Variants in DLG2 observed in about 807,000 individuals in gnomAD.
DLG2 encodes the protein discs large MAGUK scaffold protein 2, also known as disks large homolog 2.
In DLG2, 45 loss-of-function variants were observed where a neutral mutation model predicts 132.5. The observed-to-expected ratio is 0.34, with a 90% CI of 0.27 to 0.44. The LOEUF (loss-of-function observed/expected upper bound fraction) is 0.44. Ranked by LOEUF, DLG2 falls within the 20% of genes least tolerant of loss-of-function variation. The pLI is 1.00. For missense variants in DLG2, 1,045 were observed against 1,196.9 expected, an observed-to-expected ratio of 0.87 and a Z score of 1.87; for synonymous variants, 424 against 419.6, an observed-to-expected ratio of 1.01 and a Z score of -0.13.
chr11:85,021,254 G>A lies in DLG2; in HGVS notation c.357+90407C>T, dbSNP rs774236578. 7.0e-6 allele frequency: 9 copies of A among 1,287,090 alleles called. No individual in the cohort carries two copies. The Admixed American group carries it at 1.5e-4, about 22-fold the overall frequency. The allele number at this position is 1,287,090 out of a possible 1,614,324, so 79.7% of individuals were successfully genotyped here. Reference sequence around the variant, plus strand: ...ACTACAGCCCGAGCAATAGGAGGAGGAGGAGGAGGTACACGTGCTGGGTGA... The same window carrying A: ...ACTACAGCCCGAGCAATAGGAGGAGAAGGAGGAGGTACACGTGCTGGGTGA... On this transcript the variant is annotated intron_variant, in intron 6 of 27. Transcript: ENST00000376104.
At chr11:83,508,133 C>A (rs1217946853) in intron 21 of DLG2, among the ~76,000 whole-genome samples, 1 of 152,056 alleles carries the variant, frequency 6.6e-6, no homozygotes, top group Non-Finnish European at 1.5e-5. Flanking sequence ...CAGACACATC[C>A]AGGATCAATA....
chr11:84,531,545 C>T (rs1217487324), intron 7 of DLG2, among the ~76,000 whole-genome samples: 3 of 152,106 alleles, frequency 2.0e-5, no homozygotes, highest in Non-Finnish European at 1.5e-5. Context: ...AACAACACCT[C>T]GAGAAGGTCA....
intron 7 of DLG2, among the ~76,000 whole-genome samples, chr11:84,502,341 T>C (rs1455689394): frequency 5.3e-5 from 2 of 37,612 alleles, no homozygotes; most frequent in Non-Finnish European, 9.4e-5. Flanking sequence ...TTTCTTTCTT[T>C]CTTTCTTTCT....
At chr11:84,628,651 C>T (rs1287792942) in intron 6 of DLG2, among the ~76,000 whole-genome samples, 1 of 152,184 alleles carries the variant, frequency 6.6e-6, no homozygotes, top group Admixed American at 6.5e-5. Context: ...CAGAAGCTTT[C>T]TTGAAACTTG....
At chr11:83,902,986 T>C (rs1182770952) in intron 15 of DLG2, among the ~76,000 whole-genome samples, 2 of 152,178 alleles carry the variant, frequency 1.3e-5, no homozygotes, top group African/African-American at 2.4e-5. Flanking sequence ...CATTGTTCTA[T>C]GATCATAGCA....
chr11:84,468,035 A>C (rs1055932385), intron 7 of DLG2, among the ~76,000 whole-genome samples: 1 of 151,544 alleles, frequency 6.6e-6, no homozygotes, highest in African/African-American at 2.4e-5. Flanking sequence ...GGAAAAATAC[A>C]AATTAAAAAC....
chr11:85,139,302 G>A (rs2076312876), intron 5 of DLG2, among the ~76,000 whole-genome samples: 1 of 152,058 alleles, frequency 6.6e-6, no homozygotes, highest in African/African-American at 2.4e-5. Flanking sequence ...ATTTTTGAAT[G>A]AGTGAATGAA....
intron 6 of DLG2, chr11:84,640,119 G>A: frequency 3.2e-6 from 1 of 312,152 alleles, no homozygotes; most frequent in Non-Finnish European, 6.1e-6. Flanking sequence ...TCATATCAAT[G>A]TAGAACTCAG....
At chr11:85,349,048 C>T (rs1490170357) in intron 3 of DLG2, among the ~76,000 whole-genome samples, 3 of 152,116 alleles carry the variant, frequency 2.0e-5, no homozygotes, top group Non-Finnish European at 2.9e-5. Context: ...ACCAGAAACA[C>T]CAGTTCAGGC....
At chr11:84,498,099 A>G (rs1414502858) in intron 7 of DLG2, among the ~76,000 whole-genome samples, 2 of 152,226 alleles carry the variant, frequency 1.3e-5, no homozygotes, top group African/African-American at 4.8e-5. Flanking sequence ...GTCACCGCCT[A>G]TCTATCCATG....
chr11:84,601,969 TA>T (rs2099577409), intron 6 of DLG2, among the ~76,000 whole-genome samples: 1 of 152,008 alleles, frequency 6.6e-6, no homozygotes, highest in Admixed American at 6.6e-5. Context: ...ACCCTTTTGT[TA>T]AAAGAGTAGC....
chr11:84,370,415 T>C (rs1373191406), intron 7 of DLG2, among the ~76,000 whole-genome samples: 1 of 152,142 alleles, frequency 6.6e-6, no homozygotes, highest in Non-Finnish European at 1.5e-5. Context: ...AGTGGCATGG[T>C]AATAGTAGGA....
chr11:83,939,710 AC>A (rs1381264943), intron 14 of DLG2, among the ~76,000 whole-genome samples: 1 of 151,900 alleles, frequency 6.6e-6, no homozygotes, highest in Non-Finnish European at 1.5e-5. Context: ...CACACCCCCC[AC>A]AAGAATTTCT....
chr11:84,115,972 A>C (rs1178054524), intron 9 of DLG2, among the ~76,000 whole-genome samples: 1 of 152,234 alleles, frequency 6.6e-6, no homozygotes, highest in Non-Finnish European at 1.5e-5. Context: ...TGTTTAAGAA[A>C]TGAGTGTCTC....
chr11:85,518,967 T>C (rs1424588571), intron 3 of DLG2, among the ~76,000 whole-genome samples: 2 of 151,970 alleles, frequency 1.3e-5, no homozygotes, highest in African/African-American at 4.8e-5. Context: ...TGCACAGAAG[T>C]CAAGAATTTA....
intron 19 of DLG2, among the ~76,000 whole-genome samples, chr11:83,611,914 G>A (rs530641968): frequency 6.7e-6 from 1 of 148,398 alleles, no homozygotes; most frequent in East Asian, 1.9e-4. Context: ...TGCTTTTGAA[G>A]GGGGGGCAAC....
At chr11:84,311,030 CA>C (rs1320670971) in intron 7 of DLG2, among the ~76,000 whole-genome samples, 1 of 152,128 alleles carries the variant, frequency 6.6e-6, no homozygotes, top group Non-Finnish European at 1.5e-5. Context: ...GCTACTTCAT[CA>C]ACACAATTCT....
chr11:83,959,643 A>C (rs982832143), intron 14 of DLG2, among the ~76,000 whole-genome samples: 1 of 152,234 alleles, frequency 6.6e-6, no homozygotes, highest in East Asian at 1.9e-4. Flanking sequence ...GAATCTACGG[A>C]TGAGAAAATC....
intron 3 of DLG2, among the ~76,000 whole-genome samples, chr11:85,432,125 C>T (rs545879787): frequency 1.4e-4 from 22 of 152,272 alleles, no homozygotes; most frequent in African/African-American, 5.1e-4. Flanking sequence ...AAAGCAACAA[C>T]AATAGCATCA....
Sources: gnomAD v4.1 joint callset for allele counts (sites outside exome capture counted in the v4.1 genomes callset) on GRCh38, gnomAD v4.1.1 for gene constraint, MANE v1.5 for transcripts, NCBI Gene and HGNC (gene_info 2026-07-23, HGNC 2026-07-21) for gene names.